Variants in ASIC2 observed in about 807,000 individuals in gnomAD.
ASIC2 encodes acid sensing ion channel subunit 2, also known as acid-sensing ion channel 2.
In ASIC2, 25 loss-of-function variants were observed where a neutral mutation model predicts 57.3. That is an observed-to-expected ratio of 0.44 (90% CI 0.32 to 0.61). The LOEUF (loss-of-function observed/expected upper bound fraction) is 0.61. Among genes scored for constraint, ASIC2 ranks in the 20% least tolerant of loss-of-function variants. ASIC2 has a pLI of 0.06. For synonymous variants in ASIC2, 319 were observed against 307.5 expected (o/e 1.04, Z -0.39); for missense variants, 641 against 738.1 (o/e 0.87, Z 1.52).
chr17:33,959,360 A>C (rs772154944), intron 1 of ASIC2, among the ~76,000 whole-genome samples: 1 of 152,248 alleles, frequency 6.6e-6, no homozygotes, highest in Non-Finnish European at 1.5e-5. Context: ...CTAGAGGAAC[A>C]GAACTAATAG....
chr17:33,502,581 A>T (rs1405980291), intron 1 of ASIC2, among the ~76,000 whole-genome samples: 2 of 152,218 alleles, frequency 1.3e-5, no homozygotes, highest in Non-Finnish European at 2.9e-5. Context: ...TAGCTGACAG[A>T]TTCCTGAATA....
chr17:33,544,333 T>C (rs1422253622), intron 1 of ASIC2, among the ~76,000 whole-genome samples: 4 of 152,228 alleles, frequency 2.6e-5, no homozygotes, highest in Non-Finnish European at 5.9e-5. Context: ...CTATTATGAA[T>C]GAAGCTGCTA....
intron 1 of ASIC2, among the ~76,000 whole-genome samples, chr17:33,544,691 C>T (rs568256962): frequency 1.3e-4 from 20 of 152,174 alleles, no homozygotes; most frequent in Admixed American, 3.3e-4. Flanking sequence ...CAAATGATGA[C>T]ACAATGCTTT....
chr17:33,792,217 T>C (rs1364875367), intron 1 of ASIC2: 1 of 152,284 alleles, frequency 6.6e-6, no homozygotes, highest in Non-Finnish European at 1.5e-5. Flanking sequence ...CAGTGGGTAG[T>C]GGTGGAGCTG....
intron 1 of ASIC2, among the ~76,000 whole-genome samples, chr17:33,633,342 A>G (rs181995511): frequency 6.6e-6 from 1 of 152,360 alleles, no homozygotes; most frequent in East Asian, 1.9e-4. Context: ...ACATCTGGAC[A>G]CAATGCAGAG....
At chr17:33,966,168 A>G (rs1012804527) in intron 1 of ASIC2, among the ~76,000 whole-genome samples, 23 of 152,224 alleles carry the variant, frequency 1.5e-4, no homozygotes, top group Non-Finnish European at 3.4e-4. Context: ...ACCTGTGCGG[A>G]TGGTATTGTT....
At chr17:33,426,404 G>C (rs544162685) in intron 1 of ASIC2, among the ~76,000 whole-genome samples, 1 of 152,220 alleles carries the variant, frequency 6.6e-6, no homozygotes, top group African/African-American at 2.4e-5. Context: ...CCAAAACGCA[G>C]GAGCCCAGTC....
intron 1 of ASIC2, among the ~76,000 whole-genome samples, chr17:33,657,512 T>C (rs1345540850): frequency 6.6e-6 from 1 of 152,132 alleles, no homozygotes; most frequent in Non-Finnish European, 1.5e-5. Context: ...TTGGGGGTCC[T>C]GAGCCAGCTT....
At chr17:33,304,127 C>T (rs766490901) in intron 1 of ASIC2, among the ~76,000 whole-genome samples, 11 of 152,166 alleles carry the variant, frequency 7.2e-5, no homozygotes, top group African/African-American at 1.4e-4. Flanking sequence ...GATGGTGATA[C>T]CACGTCATCT....
intron 1 of ASIC2, among the ~76,000 whole-genome samples, chr17:34,046,971 C>T (rs1908362552): frequency 6.6e-6 from 1 of 152,140 alleles, no homozygotes. Flanking sequence ...AGCCATTGGG[C>T]TACAGAACTT....
At chr17:33,324,983 G>T (rs1460290976) in intron 1 of ASIC2, among the ~76,000 whole-genome samples, 2 of 152,210 alleles carry the variant, frequency 1.3e-5, no homozygotes, top group Non-Finnish European at 2.9e-5. Flanking sequence ...ATAGAGGAGA[G>T]GGGAGGGAAG....
At chr17:33,808,680 G>C (rs75750588) in intron 1 of ASIC2, among the ~76,000 whole-genome samples, 16,400 of 152,210 alleles carry the variant, frequency 0.11, 1,138 homozygotes, top group Non-Finnish European at 0.14. Context: ...TAACCTCTCT[G>C]AGTCTCTGTT....
At chr17:33,805,272 G>A (rs548969816) in intron 1 of ASIC2, among the ~76,000 whole-genome samples, 1 of 152,184 alleles carries the variant, frequency 6.6e-6, no homozygotes, top group Non-Finnish European at 1.5e-5. Context: ...GCAGATGGTA[G>A]GTGAGTTCTG....
intron 1 of ASIC2, among the ~76,000 whole-genome samples, chr17:33,159,226 G>A (rs533843531): frequency 6.6e-6 from 1 of 152,256 alleles, no homozygotes; most frequent in East Asian, 1.9e-4. Flanking sequence ...TCAATGGCTG[G>A]GTTTTAAGGC....
At chr17:33,782,721 C>T (rs1911493131) in intron 1 of ASIC2, among the ~76,000 whole-genome samples, 1 of 152,110 alleles carries the variant, frequency 6.6e-6, no homozygotes, top group African/African-American at 2.4e-5. Context: ...AAGCAAGGCC[C>T]TGCCACTCCC....
chr17:33,370,335 G>A (rs762782181), intron 1 of ASIC2, among the ~76,000 whole-genome samples: 2 of 152,188 alleles, frequency 1.3e-5, no homozygotes, highest in Non-Finnish European at 2.9e-5. Flanking sequence ...GGGCAACCTC[G>A]CAGTACTGGG....
chr17:33,703,513 C>T lies in ASIC2; in HGVS notation c.555+452465G>A, dbSNP rs553350286. Among the ~76,000 whole-genome samples the T allele has an allele frequency of 5.9e-5, 9 of 152,004 alleles. No individual in the cohort carries two copies. The South Asian group carries it at 6.2e-4, about 11-fold the overall frequency. On this transcript the variant is annotated intron_variant, in intron 1 of 9. Coordinates refer to the ASIC2 transcript ENST00000359872. ...GACTACAGGCACAAGCCACCATGCC[C>T]GACTAATTTCTGTAGTTTTTGTAGA...
At chr17:33,375,378 G>A (rs911369974) in intron 1 of ASIC2, among the ~76,000 whole-genome samples, 1 of 151,822 alleles carries the variant, frequency 6.6e-6, no homozygotes, top group African/African-American at 2.4e-5. Flanking sequence ...GAGGCAGTGT[G>A]GTGGGGGCAG....
chr17:33,685,446 C>T (rs1908155505), intron 1 of ASIC2, among the ~76,000 whole-genome samples: 1 of 152,172 alleles, frequency 6.6e-6, no homozygotes, highest in African/African-American at 2.4e-5. Flanking sequence ...CCAGCAGCCC[C>T]CTCTAACACC....
Sources: allele counts gnomAD v4.1 joint callset (sites outside exome capture counted in the v4.1 genomes callset), GRCh38; gene constraint gnomAD v4.1.1; transcripts MANE v1.5; gene names NCBI Gene and HGNC (gene_info 2026-07-23, HGNC 2026-07-21).